Variants in HACD2 observed in about 807,000 individuals in gnomAD.
HACD2 encodes 3-hydroxyacyl-CoA dehydratase 2.
HACD2 carries 15 observed loss-of-function variants against 31.0 expected under a neutral mutation model. The ratio of observed to expected loss-of-function variants is 0.48; its 90% CI spans 0.32 to 0.75. The LOEUF (loss-of-function observed/expected upper bound fraction) is 0.75, where lower values mean the gene tolerates loss of function less well. HACD2 is among the 30% of genes least tolerant of loss of function. The pLI is 0.03. For missense variants in HACD2, 283 were observed against 313.0 expected, an observed-to-expected ratio of 0.90 and a Z score of 0.72; for synonymous variants, 115 against 122.2, an observed-to-expected ratio of 0.94 and a Z score of 0.39.
In HACD2 at chr3:123,557,131, G is replaced by A. The variant is rs552439415; in HGVS notation, c.292+10631C>T. ...GGGCTGCGCAGCAGGAGAGCAGCAG[G>A]TGAGTGAGTATCACTGCCTGAGCTC... On this transcript the variant is annotated intron_variant, in intron 3 of 6. Coordinates refer to ENST00000383657, the MANE Select transcript of HACD2 (RefSeq NM_198402.5). Among the ~76,000 whole-genome samples the A allele has an allele frequency of 5.3e-5, 8 of 152,374 alleles. No individual in the cohort carries two copies. The South Asian group carries it at 8.3e-4, about 16-fold the overall frequency.
intron 4 of HACD2, among the ~76,000 whole-genome samples, chr3:123,525,392 C>A (rs1056061261): frequency 6.6e-6 from 1 of 152,120 alleles, no homozygotes; most frequent in Non-Finnish European, 1.5e-5. Flanking sequence ...GATCCTTACA[C>A]ATAAGAGAAA....
rs1343854592 is a variant in HACD2 at position 123,492,919 on chromosome 3, A to C, written c.*1969T>G. 1 of 152,268 alleles carries C rather than the reference A, an allele frequency of 6.6e-6. No individual in the cohort carries two copies. Among genetic ancestry groups the C allele is most frequent in the Admixed American group, 6.5e-5 (1 of 15,286 alleles). 9.4% of individuals were successfully genotyped at this position (152,268 alleles called of 1,614,324 possible). A position where few individuals can be genotyped will look rare whatever the true frequency, so the allele number is the denominator to read the frequency against. On this transcript the variant is annotated 3_prime_UTR_variant, in exon 7 of 7. Coordinates refer to ENST00000383657, the MANE Select transcript of HACD2 (RefSeq NM_198402.5). ...CCACATATTTTGTCTATCAAATACA[A>C]GAATAGATTCTAATTTCAACATGTC...
At chr3:123,564,964 C>A (rs1369590854) in intron 3 of HACD2, among the ~76,000 whole-genome samples, 1 of 152,068 alleles carries the variant, frequency 6.6e-6, no homozygotes, top group Non-Finnish European at 1.5e-5. Context: ...ACCTGCCAAC[C>A]CTCTGAGCAG....
intron 4 of HACD2, among the ~76,000 whole-genome samples, chr3:123,515,767 T>A (rs183747993): frequency 5.9e-5 from 9 of 152,270 alleles, no homozygotes; most frequent in African/African-American, 1.9e-4. Context: ...GTTTTTTGTT[T>A]TTTTTTGAGA....
chr3:123,536,353 G>A (rs2056426326), intron 3 of HACD2, among the ~76,000 whole-genome samples: 1 of 152,184 alleles, frequency 6.6e-6, no homozygotes, highest in African/African-American at 2.4e-5. Context: ...CTCTATCAGA[G>A]CAAATAAAAT....
In HACD2 at chr3:123,585,009, T is replaced by A. The variant is rs76323937; in HGVS notation, c.19A>T (p.Thr7Ser). 216 of 1,504,078 alleles carry A rather than the reference T, an allele frequency of 1.4e-4. 4 individuals are homozygous for A. In the East Asian group the frequency reaches 5.9e-3, roughly 41 times the overall value. 93.2% of individuals were successfully genotyped at this position (1,504,078 alleles called of 1,614,324 possible). A position where few individuals can be genotyped will look rare whatever the true frequency, so the allele number is the denominator to read the frequency against. ...CCCCCATTCCCCTTCGCTGCTGCAG[T>A]CGCCGCCACTGCCGCCATGTCAAGT... MAAVAA[T>S]AAAKGNGGGG... The change falls in exon 1 of 7, where the codon ACT becomes TCT. Residue 7 changes from threonine to serine, a missense_variant. This residue lies in a region of HACD2 where 158 missense variants were observed against 148.3 expected (regional missense o/e 1.07). Transcript: ENST00000383657.
At chr3:123,573,814 C>A (rs1334130562) in intron 2 of HACD2, among the ~76,000 whole-genome samples, 1 of 152,160 alleles carries the variant, frequency 6.6e-6, no homozygotes, top group Non-Finnish European at 1.5e-5. Context: ...TAAAAAGATT[C>A]CTCAATTATC....
At chr3:123,536,772 TAAG>T (rs1399023026) in intron 3 of HACD2, among the ~76,000 whole-genome samples, 3 of 152,124 alleles carry the variant, frequency 2.0e-5, no homozygotes, top group Non-Finnish European at 4.4e-5. Context: ...ACATCCAAAG[TAAG>T]AAGGCAATGA....
At chr3:123,584,761 C>A (rs1366455500) in intron 1 of HACD2, 112 bp downstream of exon 1, 2 of 848,116 alleles carry the variant, frequency 2.4e-6, no homozygotes, top group Non-Finnish European at 3.3e-6. Flanking sequence ...CACCCCCCGC[C>A]GGGAATGCAC....
intron 3 of HACD2, among the ~76,000 whole-genome samples, chr3:123,545,542 TTAC>T (rs913429117): frequency 1.5e-5 from 2 of 134,326 alleles, no homozygotes; most frequent in African/African-American, 5.9e-5. Context: ...TAAAGTCTTT[TTAC>T]TTTAAAAAAA....
intron 4 of HACD2, among the ~76,000 whole-genome samples, chr3:123,505,276 T>G (rs1402111151): frequency 3.3e-5 from 5 of 152,204 alleles, no homozygotes; most frequent in Admixed American, 6.5e-5. Flanking sequence ...AGAGAATTAT[T>G]GTTTAATTGG....
At chr3:123,584,730 G>T in intron 1 of HACD2, 143 bp downstream of exon 1, 1 of 583,516 alleles carries the variant, frequency 1.7e-6, no homozygotes, top group Non-Finnish European at 2.7e-6. Flanking sequence ...CGCCCTCAGC[G>T]CCCAGGTACC....
In HACD2 at chr3:123,584,975, C is replaced by A; in HGVS notation, c.53G>T (p.Gly18Val). The stretch of plus-strand genomic sequence containing the variant: ...GCTGGCGTCCCCGGCCCCGGCCCTG[C>A]CACCGCCGCCCCCATTCCCCTTCGC... ...AAAKGNGGGG[G>V]RAGAGDASGT... The change falls in exon 1 of 7, where the codon GGC becomes GTC. Residue 18 changes from glycine (G) to valine (V), a missense_variant. By Grantham distance (109) the Gly-to-Val change is moderately radical. Around this residue, in one of 3 missense-constraint regions of HACD2, gnomAD observed 158 missense variants for 148.3 expected, o/e 1.07. Coordinates refer to ENST00000383657, the MANE Select transcript of HACD2 (RefSeq NM_198402.5). 1 of 1,523,916 alleles carries A rather than the reference C, an allele frequency of 6.6e-7. No individual in the cohort carries two copies. Among genetic ancestry groups the A allele is most frequent in the Non-Finnish European group, 8.8e-7 (1 of 1,136,152 alleles). 94.4% of individuals were successfully genotyped at this position (1,523,916 alleles called of 1,614,324 possible). A position where few individuals can be genotyped will look rare whatever the true frequency, so the allele number is the denominator to read the frequency against.
chr3:123,524,023 TAGC>T (rs2056249572), intron 4 of HACD2, among the ~76,000 whole-genome samples: 1 of 152,218 alleles, frequency 6.6e-6, no homozygotes, highest in South Asian at 2.1e-4. Context: ...TATCTTTACT[TAGC>T]AGTTTAAGGG....
At chr3:123,563,545 C>T (rs762959687) in intron 3 of HACD2, among the ~76,000 whole-genome samples, 1 of 152,150 alleles carries the variant, frequency 6.6e-6, no homozygotes, top group Non-Finnish European at 1.5e-5. Flanking sequence ...TGGAGCCACA[C>T]AGCCATAGGT....
At chr3:123,543,741 G>T in intron 3 of HACD2, 1 of 348,476 alleles carries the variant, frequency 2.9e-6, no homozygotes, top group Non-Finnish European at 5.7e-6. Context: ...TACAGACCAG[G>T]TCTAAAAGGA....
intron 1 of HACD2, 50 bp downstream of exon 1, chr3:123,584,823 C>A (rs1310069332): frequency 2.2e-6 from 3 of 1,389,990 alleles, no homozygotes; most frequent in Middle Eastern, 2.4e-4. Flanking sequence ...GGCCGCAGGG[C>A]TCCCTCCCCG....
intron 4 of HACD2, among the ~76,000 whole-genome samples, chr3:123,511,725 C>T (rs976217672): frequency 1.3e-5 from 2 of 152,166 alleles, no homozygotes; most frequent in African/African-American, 2.4e-5. Context: ...CAAACCCTAA[C>T]GAATTACCTA....
At chr3:123,545,219 C>A (rs935053405) in intron 3 of HACD2, among the ~76,000 whole-genome samples, 1 of 149,204 alleles carries the variant, frequency 6.7e-6, no homozygotes, top group Non-Finnish European at 1.5e-5. Context: ...CAGTGGCTCA[C>A]GCCTGTAATC....
Sources: allele counts gnomAD v4.1 joint callset (sites outside exome capture counted in the v4.1 genomes callset), GRCh38; gene constraint gnomAD v4.1.1; regional missense constraint gnomAD v4.1.1; transcripts MANE v1.5; gene names NCBI Gene and HGNC (gene_info 2026-07-23, HGNC 2026-07-21).